ADCY9: variants seen among roughly 807,000 people sequenced by gnomAD.
The protein encoded by ADCY9 is adenylate cyclase type 9.
Under a neutral mutation model 101.5 loss-of-function variants are expected in ADCY9, and 50 were observed. The observed-to-expected ratio is 0.49, with a 90% confidence interval of 0.39 to 0.62. The LOEUF is 0.62. ADCY9 is among the 20% of genes least tolerant of loss of function. The pLI is 0.00. For synonymous variants in ADCY9, 905 were observed against 769.3 expected (o/e 1.18, Z -2.92); for missense variants, 1,662 against 1,800.4 (o/e 0.92, Z 1.39).
chr16:3,966,673 T>A lies in ADCY9; in HGVS notation c.3164A>T (p.Asp1055Val), dbSNP rs1234569494. 2 of 1,614,044 alleles carry A rather than the reference T, an allele frequency of 1.2e-6. No individual in the cohort carries two copies. The highest frequency in any genetic ancestry group is 1.3e-5 in the African/African-American group (1 of 74,916). Residue 1055 changes from aspartate to valine, a missense_variant, in exon 11 of 11, where the codon GAC (aspartate) becomes GTC (valine). Around this residue, in one of 5 missense-constraint regions of ADCY9, gnomAD observed 220 missense variants for 312.9 expected, o/e 0.70. Transcript: ENST00000294016. ...KVSQTYSKNH[D>V]SGGVIFASIV... ...GCTGGCGAAGATCACCCCTCCGCTG[T>A]CATGGTTCTTGGAGTAGGTCTGGGA... is the stretch of plus-strand genomic sequence containing the variant.
chr16:4,056,811 T>G lies in ADCY9; in HGVS notation c.1694-49253A>C, dbSNP rs150452605. Among the ~76,000 whole-genome samples, 24 of 152,320 alleles carry G rather than the reference T, an allele frequency of 1.6e-4. No homozygotes were observed. The East Asian group carries it at 4.0e-3, about 26-fold the overall frequency. ...GCATGACGATGGAGGTGCAGAGGTT[T>G]ACCTGTGTTTTTATTATCTCTGGTT... On this transcript the variant is annotated intron_variant, in intron 2 of 10. Coordinates refer to ENST00000294016, the MANE Select transcript of ADCY9 (RefSeq NM_001116.4).
chr16:4,029,325 A>G (rs995290656), intron 2 of ADCY9, among the ~76,000 whole-genome samples: 17 of 152,178 alleles, frequency 1.1e-4, no homozygotes, highest in African/African-American at 4.1e-4. Flanking sequence ...CCAATTGCCA[A>G]TATTTGACCA....
chr16:4,036,661 C>T (rs543924552), intron 2 of ADCY9, among the ~76,000 whole-genome samples: 329 of 152,048 alleles, frequency 2.2e-3, no homozygotes, highest in African/African-American at 7.5e-3. Flanking sequence ...AGGGTTTCGC[C>T]ATGTTGGCCA....
chr16:4,107,392 A>C (rs1008528741), intron 2 of ADCY9, among the ~76,000 whole-genome samples: 4 of 151,836 alleles, frequency 2.6e-5, no homozygotes. Context: ...CTCTACTAAA[A>C]ATACAAAAAT....
At chr16:3,960,747 A>C (rs1026062831), downstream of ADCY9, among the ~76,000 whole-genome samples, 1 of 152,212 alleles carries the variant, frequency 6.6e-6, no homozygotes, top group Non-Finnish European at 1.5e-5. Flanking sequence ...TTTCAGGGCC[A>C]GCAGGGATAC....
rs767884304 is a variant in ADCY9 at position 3,966,166 on chromosome 16, T to G, written c.3671A>C (p.Asp1224Ala). Residue 1224 changes from aspartate to alanine, a missense_variant, in exon 11 of 11, where the codon GAC (aspartate) becomes GCC (alanine). Transcript: ENST00000294016. ...CTTGACATTCACGGTCCCTCTGTAGTCGAAGTCATAGCCCATCTTGCTCAA... is the reference window on the plus strand; with the variant it reads ...CTTGACATTCACGGTCCCTCTGTAGGCGAAGTCATAGCCCATCTTGCTCAA... ...RVLSKMGYDF[D>A]YRGTVNVKGK... is the part of the protein sequence containing the mutation. 15 of 1,614,120 alleles carry G rather than the reference T, an allele frequency of 9.3e-6. No individual in the cohort carries two copies. The highest frequency in any genetic ancestry group is 1.3e-5 in the Non-Finnish European group (15 of 1,180,044).
chr16:4,010,225 A>T (rs1213366542), intron 2 of ADCY9, among the ~76,000 whole-genome samples: 5 of 152,336 alleles, frequency 3.3e-5, no homozygotes, highest in African/African-American at 7.2e-5. Context: ...GCCCTCACCC[A>T]GGTGACTGCG....
At chr16:4,098,881 T>G (rs2057025296) in intron 2 of ADCY9, among the ~76,000 whole-genome samples, 2 of 150,390 alleles carry the variant, frequency 1.3e-5, no homozygotes, top group Non-Finnish European at 3.0e-5. Context: ...AAACAGGTCA[T>G]CTACATTTTG....
At chr16:3,981,366 C>T (rs768333971) in intron 7 of ADCY9, among the ~76,000 whole-genome samples, 1 of 152,170 alleles carries the variant, frequency 6.6e-6, no homozygotes, top group Admixed American at 6.5e-5. Context: ...TCAGAGCCCT[C>T]AAGACGCTAC....
intron 2 of ADCY9, among the ~76,000 whole-genome samples, chr16:4,065,982 G>T (rs994161092): frequency 2.0e-5 from 3 of 152,234 alleles, no homozygotes; most frequent in Non-Finnish European, 4.4e-5. Flanking sequence ...GGGATTACAG[G>T]CGTGAGCCTC....
intron 2 of ADCY9, among the ~76,000 whole-genome samples, chr16:4,048,329 C>G (rs1239279191): frequency 6.6e-6 from 1 of 152,168 alleles, no homozygotes; most frequent in Non-Finnish European, 1.5e-5. Context: ...TCCATTTGTT[C>G]TTTGTTTGAC....
chr16:4,034,582 G>A (rs2056577428), intron 2 of ADCY9, among the ~76,000 whole-genome samples: 2 of 152,014 alleles, frequency 1.3e-5, no homozygotes, highest in African/African-American at 2.4e-5. Flanking sequence ...GCTAATTTTT[G>A]TATTATTAGT....
At chr16:4,080,411 T>G (rs1042053343) in intron 2 of ADCY9, among the ~76,000 whole-genome samples, 1 of 152,056 alleles carries the variant, frequency 6.6e-6, no homozygotes, top group African/African-American at 2.4e-5. Context: ...ACCCGATTAA[T>G]TTTTGTATAT....
chr16:4,075,396 C>A (rs1035463777), intron 2 of ADCY9, among the ~76,000 whole-genome samples: 3 of 152,180 alleles, frequency 2.0e-5, no homozygotes, highest in Non-Finnish European at 4.4e-5. Context: ...ACATCAGCCT[C>A]CCAAAGTGCT....
rs970666369 is a variant in ADCY9 at position 4,114,882 on chromosome 16, G to A, written c.561C>T (p.Thr187=). ...LALTLLVFAL[T]LAAQFQVLTP... ...TCAAGACCTGGAACTGCGCAGCCAGGGTCAGGGCGAACACCAGCAGGGTGA... is the reference window on the plus strand; with the variant it reads ...TCAAGACCTGGAACTGCGCAGCCAGAGTCAGGGCGAACACCAGCAGGGTGA... The change falls in exon 2 of 11, where the codon ACC becomes ACT. Residue 187 remains threonine (T), a synonymous_variant. Coordinates refer to ENST00000294016, the MANE Select transcript of ADCY9 (RefSeq NM_001116.4). This position sits in a 1 kb window ranked among gnomAD's most constrained non-coding sequence, Gnocchi z 4.3. The A allele has an allele frequency of 2.7e-5, 44 of 1,613,684 alleles. No individual in the cohort carries two copies. The highest frequency in any genetic ancestry group is 3.6e-5 in the Non-Finnish European group (42 of 1,180,054).
intron 3 of ADCY9, among the ~76,000 whole-genome samples, chr16:3,999,593 G>T (rs776222549): frequency 6.6e-6 from 1 of 152,164 alleles, no homozygotes; most frequent in East Asian, 1.9e-4. Flanking sequence ...TGGGCCCTCC[G>T]GCATCAAGGG....
intron 2 of ADCY9, among the ~76,000 whole-genome samples, chr16:4,100,812 A>G (rs1245456905): frequency 1.3e-5 from 2 of 152,048 alleles, no homozygotes; most frequent in African/African-American, 2.4e-5. Flanking sequence ...GAAAGAACCA[A>G]GCAAATAAAA....
At chr16:3,968,634 C>T (rs1250889457) in intron 10 of ADCY9, among the ~76,000 whole-genome samples, 1 of 152,158 alleles carries the variant, frequency 6.6e-6, no homozygotes, top group African/African-American at 2.4e-5. Flanking sequence ...AGTGTTCCAG[C>T]ACTCGGAAAT....
At chr16:4,078,333 G>A (rs1241535148) in intron 2 of ADCY9, among the ~76,000 whole-genome samples, 2 of 152,124 alleles carry the variant, frequency 1.3e-5, no homozygotes, top group Non-Finnish European at 2.9e-5. Flanking sequence ...AGGCCAAGGT[G>A]GGAGGATTGC....
Sources: gnomAD v4.1 joint callset for allele counts (sites outside exome capture counted in the v4.1 genomes callset) on GRCh38, gnomAD v4.1.1 for gene constraint, gnomAD v4.1.1 regional missense constraint, Gnocchi (gnomAD v3.1) non-coding constraint, MANE v1.5 for transcripts, NCBI Gene and HGNC (gene_info 2026-07-23, HGNC 2026-07-21) for gene names.